Variants in RBM47 observed in about 807,000 individuals in gnomAD.
RBM47 encodes the protein RNA binding motif protein 47.
RBM47 carries 21 observed loss-of-function variants against 47.1 expected under a neutral mutation model. The observed-to-expected ratio is 0.45, with a 90% CI of 0.32 to 0.64. RBM47 has a LOEUF of 0.64. Ranked by LOEUF, RBM47 falls within the 30% of genes least tolerant of loss-of-function variation. RBM47 has a pLI of 0.05. For synonymous variants in RBM47, 375 were observed against 361.7 expected (o/e 1.04, Z -0.42); for missense variants, 708 against 870.9 (o/e 0.81, Z 2.35).
At chr4:40,528,768 C>G (rs766430811) in intron 2 of RBM47, among the ~76,000 whole-genome samples, 1 of 148,256 alleles carries the variant, frequency 6.7e-6, no homozygotes, top group Non-Finnish European at 1.5e-5. Context: ...GACCCTGTTT[C>G]AAAAAGAAAA....
At chr4:40,450,301 A>G (rs904147866) in intron 3 of RBM47, among the ~76,000 whole-genome samples, 1 of 152,154 alleles carries the variant, frequency 6.6e-6, no homozygotes, top group Non-Finnish European at 1.5e-5. Flanking sequence ...GCAATTTATA[A>G]AATTCTTTCA....
chr4:40,607,671 C>T (rs974721579), intron 1 of RBM47, among the ~76,000 whole-genome samples: 4 of 152,146 alleles, frequency 2.6e-5, no homozygotes, highest in Non-Finnish European at 2.9e-5. Context: ...CACATCACTG[C>T]ACTCTAGCCT....
intron 1 of RBM47, among the ~76,000 whole-genome samples, chr4:40,560,527 C>T (rs1730507749): frequency 6.6e-6 from 1 of 152,244 alleles, no homozygotes; most frequent in Admixed American, 6.5e-5. Flanking sequence ...CCGGCAGTGC[C>T]AGCCTTTGGT....
At chr4:40,455,663 T>C (rs1392235906) in intron 3 of RBM47, 1 of 152,128 alleles carries the variant, frequency 6.6e-6, no homozygotes, top group Non-Finnish European at 1.5e-5. Context: ...GGTGGGAGGA[T>C]TGCTTCAGCC....
intron 1 of RBM47, among the ~76,000 whole-genome samples, chr4:40,573,152 C>CA (rs369450436): frequency 0.05 from 3,115 of 62,496 alleles, 108 homozygotes; most frequent in African/African-American, 0.088. Flanking sequence ...GACTTCATCT[C>CA]AAAAAAAAAA....
rs879492285 is a variant in RBM47, at chr4:40,502,731, A to ACGG, written c.-154-36033_-154-36032insCCG. 2.9e-3 allele frequency among the ~76,000 whole-genome samples: 436 copies of ACGG among 152,276 alleles called. 2 individuals carry two copies. Among genetic ancestry groups the ACGG allele is most frequent in the African/African-American group, 9.2e-3 (384 of 41,556 alleles). On this transcript the variant is annotated intron_variant, in intron 2 of 6. Transcript: ENST00000295971. Reference sequence around the variant, plus strand: ...TGTGGTGACATGCACCTGTAGCTCCAGCTATTCAGGAGGTTGAGGCAGGAA... The same window carrying ACGG: ...TGTGGTGACATGCACCTGTAGCTCCACGGGCTATTCAGGAGGTTGAGGCAGGAA...
In RBM47 at chr4:40,438,298, A is replaced by T; in HGVS notation, c.596T>A (p.Val199Glu). ...AGCCGCGCGGTGGCTCTCGTACTCCACGAAGGCGAAGCCGCGGTTCTTCAT... is the reference window on the plus strand; with the variant it reads ...AGCCGCGCGGTGGCTCTCGTACTCCTCGAAGGCGAAGCCGCGGTTCTTCAT... The part of the protein sequence containing the change: ...DKMKNRGFAF[V>E]EYESHRAAAM... Residue 199 changes from valine to glutamate, a missense_variant, in exon 4 of 7, where the codon GTG becomes GAG. Val to Glu is a moderately radical substitution (Grantham distance 121). Coordinates refer to ENST00000295971, the MANE Select transcript of RBM47 (RefSeq NM_001098634.2). 6.2e-7 allele frequency: 1 copy of T among 1,605,148 alleles called. No homozygotes were observed.
chr4:40,542,936 G>T (rs983333604), intron 2 of RBM47: 2 of 152,158 alleles, frequency 1.3e-5, no homozygotes, highest in Admixed American at 6.6e-5. Context: ...GACTACTAAA[G>T]TAGCCCTGTG....
chr4:40,516,363 G>A (rs1725583067), intron 2 of RBM47, among the ~76,000 whole-genome samples: 2 of 150,478 alleles, frequency 1.3e-5, no homozygotes, highest in East Asian at 1.9e-4. Flanking sequence ...AAGTTCAAGC[G>A]ATTCTCCTGC....
At chr4:40,487,406 C>T (rs1721246521) in intron 2 of RBM47, among the ~76,000 whole-genome samples, 3 of 152,146 alleles carry the variant, frequency 2.0e-5, no homozygotes, top group African/African-American at 7.2e-5. Flanking sequence ...AGTGATTTTC[C>T]TGCCTCCTGA....
intron 1 of RBM47, among the ~76,000 whole-genome samples, chr4:40,587,911 G>C (rs1178483865): frequency 2.0e-5 from 3 of 152,222 alleles, no homozygotes; most frequent in Admixed American, 2.0e-4. Flanking sequence ...AGGCAAGGGT[G>C]ACTAAGCCAG....
At chr4:40,543,185 T>C (rs1728707915) in intron 2 of RBM47, 1 of 152,240 alleles carries the variant, frequency 6.6e-6, no homozygotes, top group Non-Finnish European at 1.5e-5. Context: ...TTCTGTGGCA[T>C]TAACTCTCAA....
intron 1 of RBM47, among the ~76,000 whole-genome samples, chr4:40,618,061 C>T (rs892532311): frequency 6.6e-6 from 1 of 151,456 alleles, no homozygotes; most frequent in Non-Finnish European, 1.5e-5. Flanking sequence ...GGCTACATTG[C>T]GAAACCCTGT....
chr4:40,486,297 C>G (rs1285798566), intron 2 of RBM47, among the ~76,000 whole-genome samples: 1 of 151,906 alleles, frequency 6.6e-6, no homozygotes, highest in Non-Finnish European at 1.5e-5. Context: ...CATTAAAGAG[C>G]CAATTTCCTT....
chr4:40,629,928 C>A (rs1172818309), upstream of RBM47: 1 of 152,222 alleles, frequency 6.6e-6, no homozygotes, highest in Non-Finnish European at 1.5e-5. Flanking sequence ...AGGCCATCCG[C>A]CTCACAGTAG....
intron 1 of RBM47, among the ~76,000 whole-genome samples, chr4:40,582,868 C>A (rs909870642): frequency 2.0e-5 from 3 of 152,190 alleles, no homozygotes; most frequent in Admixed American, 2.0e-4. Context: ...TCATTACCAC[C>A]CTTGCCCATG....
chr4:40,571,377 T>A (rs1731690957), intron 1 of RBM47, among the ~76,000 whole-genome samples: 1 of 151,924 alleles, frequency 6.6e-6, no homozygotes, highest in Non-Finnish European at 1.5e-5. Flanking sequence ...ACTGAATAAG[T>A]GGTGTTGGGA....
At chr4:40,519,333 T>C (rs1487419080) in intron 2 of RBM47, among the ~76,000 whole-genome samples, 1 of 149,010 alleles carries the variant, frequency 6.7e-6, no homozygotes, top group Non-Finnish European at 1.5e-5. Context: ...GTTTCACTCT[T>C]GTTGCCCAGG....
At chr4:40,500,199 G>A (rs1011601913) in intron 2 of RBM47, among the ~76,000 whole-genome samples, 2 of 152,134 alleles carry the variant, frequency 1.3e-5, no homozygotes, top group Admixed American at 1.3e-4. Flanking sequence ...TGTAATCCCA[G>A]CTACTTAGGA....
Sources: allele counts gnomAD v4.1 joint callset (sites outside exome capture counted in the v4.1 genomes callset), GRCh38; gene constraint gnomAD v4.1.1; transcripts MANE v1.5; gene names NCBI Gene and HGNC (gene_info 2026-07-23, HGNC 2026-07-21).